BLTP1: variants seen among roughly 807,000 people sequenced by gnomAD.
BLTP1 encodes the protein fragile site-associated protein.
At chr4:122,183,922 CA>C in the BLTP1 span, among the ~76,000 whole-genome samples, 1 of 151,630 alleles carries the variant, frequency 6.6e-6, no homozygotes, top group Non-Finnish European at 1.5e-5. Context: ...CAAAGAGGTA[CA>C]TTTTTTTTTT....
At chr4:122,221,715 A>T in the BLTP1 span, 12 of 799,532 alleles carry the variant, frequency 1.5e-5, no homozygotes, top group African/African-American at 2.1e-4. Flanking sequence ...TTAGCAGGTC[A>T]TTAGAATCGG....
At chr4:122,179,865 T>A in the BLTP1 span, 1 of 985,160 alleles carries the variant, frequency 1.0e-6, no homozygotes, top group Middle Eastern at 5.2e-4. Flanking sequence ...AGAGGCTACA[T>A]GCAAAGTATC....
chr4:122,218,692 T>TA, the BLTP1 span, among the ~76,000 whole-genome samples: 1 of 8,840 alleles, frequency 1.1e-4, no homozygotes, highest in Admixed American at 3.4e-3. Context: ...ATAGAATCAA[T>TA]GGGAAAAAAT....
chr4:122,219,913 G>GTT, the BLTP1 span, among the ~76,000 whole-genome samples: 5 of 152,288 alleles, frequency 3.3e-5, no homozygotes, highest in African/African-American at 1.2e-4. Context: ...CCCCAGACCA[G>GTT]TTTGGGGCCT....
the BLTP1 span, chr4:122,333,626 C>T: frequency 3.1e-6 from 5 of 1,590,400 alleles, no homozygotes; most frequent in South Asian, 1.2e-5. Context: ...TTTCTGTTCA[C>T]AGGAGTTATG....
chr4:122,157,557 A>G, the BLTP1 span, among the ~76,000 whole-genome samples: 9,762 of 152,108 alleles, frequency 0.064, 889 homozygotes, highest in African/African-American at 0.2. Context: ...GAATAATGCC[A>G]CCTGCTGATC....
the BLTP1 span, among the ~76,000 whole-genome samples, chr4:122,330,396 G>A: frequency 6.6e-6 from 1 of 151,668 alleles, no homozygotes; most frequent in East Asian, 1.9e-4. Context: ...ACTTGTTTTT[G>A]CTTTTTGTTT....
chr4:122,312,330 C>T, the BLTP1 span, among the ~76,000 whole-genome samples: 1 of 152,200 alleles, frequency 6.6e-6, no homozygotes, highest in Admixed American at 6.6e-5. Context: ...GCCACCACAC[C>T]TAGCCTTTAA....
the BLTP1 span, among the ~76,000 whole-genome samples, chr4:122,248,794 G>A: frequency 6.6e-6 from 1 of 151,960 alleles, no homozygotes; most frequent in Non-Finnish European, 1.5e-5. Context: ...GAAAATGGGA[G>A]CCAAAGCTGG....
chr4:122,286,616 T>C, the BLTP1 span: 3 of 1,614,130 alleles, frequency 1.9e-6, no homozygotes, highest in South Asian at 1.1e-5. Flanking sequence ...GCCACAGATA[T>C]GTCAACCATT....
At chr4:122,283,506 A>G in the BLTP1 span, among the ~76,000 whole-genome samples, 3 of 152,078 alleles carry the variant, frequency 2.0e-5, no homozygotes, top group East Asian at 3.9e-4. Flanking sequence ...GCTCTTTCAT[A>G]TACGTTGTTT....
chr4:122,307,424 CT>C, the BLTP1 span: 1 of 968,614 alleles, frequency 1.0e-6, no homozygotes, highest in South Asian at 4.8e-5. Flanking sequence ...GCCTCTCCAT[CT>C]TTATGTCCTT....
At chr4:122,204,253 C>G in the BLTP1 span, 2 of 788,124 alleles carry the variant, frequency 2.5e-6, no homozygotes, top group Admixed American at 1.3e-4. Flanking sequence ...CATGTAAGAC[C>G]TGAGTACAGA....
chr4:122,207,228 C>A, the BLTP1 span: 1 of 1,611,346 alleles, frequency 6.2e-7, no homozygotes, highest in Non-Finnish European at 8.5e-7. Context: ...CTAATCAACA[C>A]AATTGGATCG....
chr4:122,164,365 A>G, the BLTP1 span: 4 of 979,174 alleles, frequency 4.1e-6, no homozygotes, highest in African/African-American at 1.7e-5. Context: ...CAGTTGTAAA[A>G]CAAACAGTAT....
chr4:122,346,094 A>G, the BLTP1 span: 1 of 679,962 alleles, frequency 1.5e-6, no homozygotes, highest in South Asian at 6.6e-5. Context: ...AGTCATTGGC[A>G]TGTAAACCCT....
chr4:122,331,394 C>G, the BLTP1 span: 3 of 1,611,998 alleles, frequency 1.9e-6, no homozygotes, highest in Non-Finnish European at 2.5e-6. Flanking sequence ...CGCTGGCCAA[C>G]AACACCAGTC....
chr4:122,271,002 T>C, the BLTP1 span: 4 of 1,555,658 alleles, frequency 2.6e-6, no homozygotes, highest in Admixed American at 2.1e-5. Flanking sequence ...GTCCTTTTTT[T>C]ATTTCACGTT....
chr4:122,317,245 T>A, the BLTP1 span, among the ~76,000 whole-genome samples: 2 of 151,688 alleles, frequency 1.3e-5, no homozygotes, highest in Non-Finnish European at 2.9e-5. Flanking sequence ...GGCAGGAGAA[T>A]CGCTTGAGCC....
Sources: gnomAD v4.1 joint callset for allele counts (sites outside exome capture counted in the v4.1 genomes callset) on GRCh38, gnomAD v4.1.1 for gene constraint, MANE v1.5 for transcripts, NCBI Gene and HGNC (gene_info 2026-07-23, HGNC 2026-07-21) for gene names.